The following FNBP4 variants were observed in gnomAD, a reference collection of about 807,000 sequenced individuals.
The protein encoded by FNBP4 is formin-binding protein 4.
A neutral mutation model predicts 119.3 loss-of-function variants in FNBP4; 34 were observed. The ratio of observed to expected loss-of-function variants is 0.28; its 90% CI spans 0.22 to 0.38. FNBP4 has a LOEUF of 0.38. FNBP4 is among the 10% of genes least tolerant of loss of function. The probability of loss-of-function intolerance (pLI) is 1.00; values close to 1 mark genes in which losing one functional copy is unlikely to be tolerated. For missense variants in FNBP4, 1,112 were observed against 1,228.9 expected, an observed-to-expected ratio of 0.90 and a Z score of 1.42; for synonymous variants, 462 against 430.6, an observed-to-expected ratio of 1.07 and a Z score of -0.90.
intron 12 of FNBP4, among the ~76,000 whole-genome samples, chr11:47,727,373 G>A (rs997106006): frequency 1.4e-4 from 21 of 150,280 alleles, no homozygotes; most frequent in South Asian, 6.3e-4. Context: ...CCTCAGCCTC[G>A]CGAGTAGCTG....
chr11:47,738,526 T>C (rs12807014), intron 8 of FNBP4, among the ~76,000 whole-genome samples: 33,990 of 151,784 alleles, frequency 0.22, 4,852 homozygotes, highest in South Asian at 0.46. Flanking sequence ...GATTGCACCA[T>C]TGCAGTCCAG....
intron 9 of FNBP4, 42 bp downstream of exon 9, chr11:47,736,574 A>G (rs1245693101): frequency 1.4e-6 from 2 of 1,472,234 alleles, no homozygotes; most frequent in African/African-American, 2.9e-5. Flanking sequence ...TAATGATAAT[A>G]ATAATAAAAA....
At position 47,718,326 on chromosome 11, in the gene FNBP4, G is replaced by T. The variant is rs111230173; in HGVS notation, c.2964-814C>A. Among the ~76,000 whole-genome samples the T allele has an allele frequency of 6.5e-3, 983 of 152,100 alleles. 7 individuals carry two copies. Among genetic ancestry groups the T allele is most frequent in the African/African-American group, 0.023 (936 of 41,486 alleles). On this transcript the variant is annotated intron_variant, in intron 16 of 16. Transcript: ENST00000263773. Reference sequence around the variant, plus strand: ...CCTCCTAGGTCCAAGCGATTCTCCTGCCTCAGCCTCCCAAGTGGCTTGGAC... The same window carrying T: ...CCTCCTAGGTCCAAGCGATTCTCCTTCCTCAGCCTCCCAAGTGGCTTGGAC...
At chr11:47,738,332 C>T (rs747093054) in intron 8 of FNBP4, among the ~76,000 whole-genome samples, 4 of 152,008 alleles carry the variant, frequency 2.6e-5, no homozygotes, top group East Asian at 1.9e-4. Flanking sequence ...TTTGGGAGGC[C>T]GAGGAAGGTG....
At chr11:47,738,375 C>A (rs1280475808) in intron 8 of FNBP4, among the ~76,000 whole-genome samples, 5 of 151,892 alleles carry the variant, frequency 3.3e-5, no homozygotes, top group African/African-American at 1.2e-4. Context: ...ACCAGCCTGG[C>A]CAACACGGTG....
chr11:47,759,233 T>C lies in FNBP4; in HGVS notation c.314-4569A>G, dbSNP rs576719708. Among the ~76,000 whole-genome samples the C allele has an allele frequency of 2.9e-5, 4 of 137,110 alleles. No individual in the cohort carries two copies. The Admixed American group carries it at 3.1e-4, about 11-fold the overall frequency. 89.9% of individuals were successfully genotyped at this position (137,110 alleles called of 152,430 possible). On this transcript the variant is annotated intron_variant, in intron 2 of 16. Coordinates refer to ENST00000263773, the MANE Select transcript of FNBP4 (RefSeq NM_015308.5). ...TGCGCCTGGCTTTTTTTTTTTGGTA[T>C]GGAGTTTCGCTCTTCTTGCCCAGGC... is the stretch of plus-strand genomic sequence containing the variant.
chr11:47,738,616 C>T (rs546580740), intron 8 of FNBP4, among the ~76,000 whole-genome samples: 7 of 152,158 alleles, frequency 4.6e-5, no homozygotes, highest in African/African-American at 1.4e-4. Context: ...AATGTGAAAA[C>T]CGTGACTTTG....
At chr11:47,754,433 AG>A (rs2097611664) in intron 3 of FNBP4, 94 bp downstream of exon 3, 1 of 1,144,592 alleles carries the variant, frequency 8.7e-7, no homozygotes, top group African/African-American at 1.6e-5. Context: ...AGAAAGGAGG[AG>A]GAAGACATTG....
intron 12 of FNBP4, chr11:47,729,318 A>C: frequency 1.0e-6 from 1 of 985,424 alleles, no homozygotes; most frequent in African/African-American, 1.7e-5. Context: ...ACTTCACCTA[A>C]GTGACATAAG....
chr11:47,750,798 A>G, intron 6 of FNBP4, 118 bp downstream of exon 6: 1 of 1,086,080 alleles, frequency 9.2e-7, no homozygotes, highest in Admixed American at 2.3e-5. Flanking sequence ...AAAGTTATGA[A>G]ACTTATCCTA....
In FNBP4 at chr11:47,731,262, C is replaced by G; in HGVS notation, c.2008+112G>C. On this transcript the variant is annotated intron_variant, in intron 12 of 16. Coordinates refer to ENST00000263773, the MANE Select transcript of FNBP4 (RefSeq NM_015308.5). ...CCTTGTTTTAGTTCACACCACTATT[C>G]TCAATCAGAAGCTTATATTATTATG... 2.8e-6 allele frequency: 3 copies of G among 1,072,982 alleles called. No homozygotes were observed. In the South Asian group the frequency reaches 5.6e-5, roughly 20 times the overall value. 66.5% of individuals were successfully genotyped at this position (1,072,982 alleles called of 1,614,324 possible). A position where few individuals can be genotyped will look rare whatever the true frequency, so the allele number is the denominator to read the frequency against.
In FNBP4 at chr11:47,765,306, C is replaced by T; in HGVS notation, c.277G>A (p.Val93Ile). The part of the protein sequence containing the change: ...PRVVQNPPKP[V>I]MTTRPTAVKA... The stretch of plus-strand genomic sequence containing the variant: ...ACAGCTGTGGGTCTAGTGGTCATGA[C>T]TGGTTTTGGAGGATTCTGAACAACT... Residue 93 changes from valine (V) to isoleucine (I), a missense_variant, in exon 2 of 17, where the codon GTC (valine) becomes ATC (isoleucine). Val to Ile is a conservative substitution (Grantham distance 29). Coordinates refer to ENST00000263773, the MANE Select transcript of FNBP4 (RefSeq NM_015308.5). The T allele has an allele frequency of 6.2e-7, 1 of 1,612,360 alleles. No homozygotes were observed. Among genetic ancestry groups the T allele is most frequent in the South Asian group, 1.1e-5 (1 of 90,804 alleles).
intron 4 of FNBP4, among the ~76,000 whole-genome samples, chr11:47,751,861 T>C (rs964751949): frequency 2.6e-5 from 4 of 151,752 alleles, no homozygotes; most frequent in South Asian, 2.1e-4. Flanking sequence ...GGCAGGAGAA[T>C]TGCTTGAACT....
rs976653535 is a variant in FNBP4, at chr11:47,746,334, C to T, written c.967G>A (p.Ala323Thr). Residue 323 changes from alanine to threonine, a missense_variant, in exon 7 of 17, where the codon GCA becomes ACA. Transcript: ENST00000263773. The part of the protein sequence containing the change: ...NSEEEKKGVA[A>T]SLLAPLLPEG... ...GGCAATAAAGGAGCAAGCAGCGATG[C>T]TGCCACCCCTTTCTTCTCCTCCTCA... 1.2e-6 allele frequency: 2 copies of T among 1,613,692 alleles called. No individual in the cohort carries two copies. The highest frequency in any genetic ancestry group is 8.5e-7 in the Non-Finnish European group (1 of 1,179,998).
intron 6 of FNBP4, among the ~76,000 whole-genome samples, 184 bp downstream of exon 6, chr11:47,750,731 AG>A (rs1489673072): frequency 1.3e-5 from 2 of 149,526 alleles, no homozygotes; most frequent in Non-Finnish European, 3.0e-5. Context: ...AAAAGAAAAA[AG>A]AAAAAGTCAA....
chr11:47,728,808 C>A (rs1202245464), intron 12 of FNBP4, among the ~76,000 whole-genome samples: 1 of 149,126 alleles, frequency 6.7e-6, no homozygotes, highest in Non-Finnish European at 1.5e-5. Flanking sequence ...GAATTACAGG[C>A]ATGAGTCACT....
intron 10 of FNBP4, among the ~76,000 whole-genome samples, chr11:47,733,821 T>C (rs2097570381): frequency 6.6e-6 from 1 of 152,194 alleles, no homozygotes; most frequent in South Asian, 2.1e-4. Flanking sequence ...CATGATAATA[T>C]AATTTTAATT....
intron 3 of FNBP4, among the ~76,000 whole-genome samples, chr11:47,753,348 C>T (rs1414168621): frequency 1.3e-5 from 2 of 152,126 alleles, no homozygotes; most frequent in Non-Finnish European, 2.9e-5. Context: ...CGGTGGCTCA[C>T]GCCTGTAATC....
At chr11:47,746,029 T>C in intron 7 of FNBP4, 27 bp downstream of exon 7, 1 of 1,552,380 alleles carries the variant, frequency 6.4e-7, no homozygotes, top group Non-Finnish European at 8.7e-7. Flanking sequence ...GGAAAAAACA[T>C]TCTACAAGTA....
Sources: allele counts gnomAD v4.1 joint callset (sites outside exome capture counted in the v4.1 genomes callset), GRCh38; gene constraint gnomAD v4.1.1; transcripts MANE v1.5; gene names NCBI Gene and HGNC (gene_info 2026-07-23, HGNC 2026-07-21).